Variants in ZFPL1 observed in about 807,000 individuals in gnomAD.
ZFPL1 encodes zinc finger protein-like 1.
ZFPL1 carries 28 observed loss-of-function variants against 32.0 expected under a neutral mutation model. The ratio of observed to expected loss-of-function variants is 0.87; its 90% CI spans 0.65 to 1.20. The LOEUF is 1.20. Among genes scored for constraint, ZFPL1 ranks in the 50% most tolerant of loss-of-function variants. The probability of loss-of-function intolerance (pLI) is 0.00; values close to 1 mark genes in which losing one functional copy is unlikely to be tolerated. For synonymous variants in ZFPL1, 165 were observed against 177.0 expected (o/e 0.93, Z 0.54); for missense variants, 386 against 424.8 (o/e 0.91, Z 0.80).
At position 65,084,644 on chromosome 11, in the gene ZFPL1, G is replaced by C. The variant is rs942910467; in HGVS notation, c.-8-47G>C. ...AAACTGGGCTGGTGAGAGCGTAGTGGTGGCCACCAGAACCTGACTTCCTAC... is the reference window on the plus strand; with the variant it reads ...AAACTGGGCTGGTGAGAGCGTAGTGCTGGCCACCAGAACCTGACTTCCTAC... On this transcript the variant is annotated intron_variant, in intron 1 of 7. Transcript: ENST00000294258. 40 of 1,542,126 alleles carry C rather than the reference G, an allele frequency of 2.6e-5. No homozygotes were observed. In the African/African-American group the frequency reaches 5.4e-4, roughly 21 times the overall value.
In ZFPL1 at chr11:65,087,314, A is replaced by G. The variant is rs1174531555; in HGVS notation, c.629-2A>G. Reference sequence around the variant, plus strand: ...ATTGATGCTAGTGGCTCCACCCTGTAGCCCCTAGGAAGGTGTATGATACGC... The same window carrying G: ...ATTGATGCTAGTGGCTCCACCCTGTGGCCCCTAGGAAGGTGTATGATACGC... On this transcript the variant is annotated splice_acceptor_variant, in intron 6 of 7. Coordinates refer to ENST00000294258, the MANE Select transcript of ZFPL1 (RefSeq NM_006782.4). LOFTEE classifies it high-confidence loss of function. 6.2e-7 allele frequency: 1 copy of G among 1,614,038 alleles called. No homozygotes were observed. Among genetic ancestry groups the G allele is most frequent in the South Asian group, 1.1e-5 (1 of 91,082 alleles).
rs748407449 is a variant in ZFPL1, at chr11:65,086,484, A to C, written c.284A>C (p.Tyr95Ser). 3.1e-6 allele frequency: 5 copies of C among 1,614,094 alleles called. No homozygotes were observed. The highest frequency in any genetic ancestry group is 4.2e-6 in the Non-Finnish European group (5 of 1,180,032). ...CCCCGAAACACGGCACCTGCCGGCT[A>C]TCAGTGCCCCAGCTGCAATGGCCCC... is the stretch of plus-strand genomic sequence containing the variant. ...QLPRNTAPAG[Y>S]QCPSCNGPIF... Residue 95 changes from tyrosine to serine, a missense_variant, in exon 4 of 8, where the codon TAT (tyrosine) becomes TCT (serine). Coordinates refer to ENST00000294258, the MANE Select transcript of ZFPL1 (RefSeq NM_006782.4).
Position 65,086,703 on chromosome 11 carries a change from C to G in ZFPL1, c.409-17C>G. On this transcript the variant is annotated splice_polypyrimidine_tract_variant and intron_variant, in intron 4 of 7. Coordinates refer to ENST00000294258, the MANE Select transcript of ZFPL1 (RefSeq NM_006782.4). ...GACAATACTAGGCAGCCTGGTGACC[C>G]AGATTCCTTCCTCCAGATCGATGAG... 1 of 1,614,228 alleles carries G rather than the reference C, an allele frequency of 6.2e-7. No homozygotes were observed. The highest frequency in any genetic ancestry group is 8.5e-7 in the Non-Finnish European group (1 of 1,180,040).
In ZFPL1 at chr11:65,086,456, C is replaced by A. The variant is rs753696428; in HGVS notation, c.256C>A (p.Leu86Ile). 1.9e-4 allele frequency: 305 copies of A among 1,613,990 alleles called. No individual in the cohort carries two copies. Among genetic ancestry groups the A allele is most frequent in the Non-Finnish European group, 2.5e-4 (294 of 1,180,042 alleles). ...WACLNERAAQ[L>I]PRNTAPAGYQ... ...CTGCCTCAATGAACGTGCTGCCCAG[C>A]TACCCCGAAACACGGCACCTGCCGG... The change falls in exon 4 of 8, where the codon CTA becomes ATA. Residue 86 changes from leucine (L) to isoleucine (I), a missense_variant. Transcript: ENST00000294258.
At chr11:65,084,405 A>AG in intron 1 of ZFPL1, 27 bp downstream of exon 1, 1 of 166,274 alleles carries the variant, frequency 6.0e-6, no homozygotes, top group Non-Finnish European at 1.0e-5. Flanking sequence ...CGGGACTTGG[A>AG]GGGGGTGGGG....
Position 65,086,851 on chromosome 11 carries a change from C to A in ZFPL1, c.481+59C>A, listed in dbSNP as rs1237820822. 6.8e-6 allele frequency: 11 copies of A among 1,613,596 alleles called. No homozygotes were observed. In the African/African-American group the frequency reaches 1.5e-4, roughly 22 times the overall value. ...TAGCCTCCCTGCTCTGCTGACAGCT[C>A]CCTTGGTCTGCAGTCACATGCTCTA... On this transcript the variant is annotated intron_variant, in intron 5 of 7. Transcript: ENST00000294258.
chr11:65,086,539 C>T lies in ZFPL1; in HGVS notation c.339C>T (p.Pro113=), dbSNP rs765134140. The T allele has an allele frequency of 1.7e-5, 28 of 1,614,020 alleles. No homozygotes were observed. Among genetic ancestry groups the T allele is most frequent in the South Asian group, 4.4e-5 (4 of 91,090 alleles). The change falls in exon 4 of 8, where the codon CCC becomes CCT. Residue 113 remains proline, a synonymous_variant. Transcript: ENST00000294258. ...PIFPPTNLAG[P]VASALREKLA... is the part of the protein sequence containing the mutation. ...TCCCCCCAACCAACCTGGCTGGCCC[C>T]GTGGCCTCCGCACTGAGAGAGAAGC...
intron 3 of ZFPL1, 29 bp from the exon 4 acceptor site, chr11:65,086,386 C>T (rs1947679371): frequency 1.2e-6 from 2 of 1,613,808 alleles, no homozygotes; most frequent in African/African-American, 1.3e-5. Context: ...TTCCTCATGT[C>T]TCTTCTCCCC....
At chr11:65,086,079 A>C in intron 3 of ZFPL1, 2 of 382,516 alleles carry the variant, frequency 5.2e-6, no homozygotes. Context: ...GTATCGAGGA[A>C]CCTTTTCTGA....
chr11:65,085,994 T>TA lies in ZFPL1; in HGVS notation c.215-421_215-420insA. On this transcript the variant is annotated intron_variant, in intron 3 of 7. Transcript: ENST00000294258. ...GTGTAGATATAGGGAATGCCACTTG[T>TA]GTTTGATTATGTGCTTATAAGGACA... 6 of 185,400 alleles carry TA rather than the reference T, an allele frequency of 3.2e-5. No homozygotes were observed. In the South Asian group the frequency reaches 3.6e-4, roughly 11 times the overall value. The allele number at this position is 185,400 out of a possible 1,614,324, so 11.5% of individuals were successfully genotyped here. A position where few individuals can be genotyped will look rare whatever the true frequency, so the allele number is the denominator to read the frequency against.
chr11:65,088,039 A>G lies in ZFPL1; in HGVS notation c.858A>G (p.Leu286=). The change falls in exon 8 of 8, where the codon CTA becomes CTG. Residue 286 remains leucine (L), a synonymous_variant. Coordinates refer to ENST00000294258, the MANE Select transcript of ZFPL1 (RefSeq NM_006782.4). ...CCCTCCTTGCCCTCATGTCTCGCCT[A>G]GGCCGGGCCGCAGCTGACAGCGATC... ...FLALLALMSR[L]GRAAADSDPN... is the part of the protein sequence containing the mutation. 6.2e-7 allele frequency: 1 copy of G among 1,610,652 alleles called. No individual in the cohort carries two copies. Among genetic ancestry groups the G allele is most frequent in the South Asian group, 1.1e-5 (1 of 90,906 alleles).
intron 7 of ZFPL1, chr11:65,087,707 C>T (rs1293611788): frequency 4.8e-6 from 3 of 625,260 alleles, no homozygotes; most frequent in Non-Finnish European, 8.3e-6. Context: ...TTGTAATTCT[C>T]CCCGACGTCT....
intron 7 of ZFPL1, 91 bp downstream of exon 7, chr11:65,087,524 G>A: frequency 7.8e-7 from 1 of 1,282,120 alleles, no homozygotes; most frequent in Non-Finnish European, 1.1e-6. Context: ...CATGACAAAA[G>A]GGGCTTGTTC....
Position 65,084,274 on chromosome 11 carries a change from C to G in ZFPL1, c.-113C>G, listed in dbSNP as rs962505868. The G allele has an allele frequency of 3.6e-6, 2 of 556,756 alleles. No homozygotes were observed. Among genetic ancestry groups the G allele is most frequent in the African/African-American group, 1.9e-5 (1 of 52,290 alleles). The allele number at this position is 556,756 out of a possible 1,614,324, so 34.5% of individuals were successfully genotyped here. A position where few individuals can be genotyped will look rare whatever the true frequency, so the allele number is the denominator to read the frequency against. On this transcript the variant is annotated 5_prime_UTR_variant, in exon 1 of 8. Transcript: ENST00000294258. ...GGGCGGCCGGGGCTGAAGGGAGAGG[C>G]GCAGGAGCCCTGGGGAGAGTGGTCC...
At position 65,085,154 on chromosome 11, in the gene ZFPL1, G is replaced by A. The variant is rs2137163066; in HGVS notation, c.142G>A (p.Asp48Asn). Residue 48 changes from aspartate (D) to asparagine (N), a missense_variant, in exon 3 of 8, where the codon GAC (aspartate) becomes AAC (asparagine). Coordinates refer to ENST00000294258, the MANE Select transcript of ZFPL1 (RefSeq NM_006782.4). The part of the protein sequence containing the change: ...QSYLQWLQDS[D>N]YNPNCRLCNI... ...CTACCTGCAATGGCTCCAAGATAGC[G>A]ACTACAACCCCAATTGCCGCCTGTG... is the stretch of plus-strand genomic sequence containing the variant. 1.2e-6 allele frequency: 2 copies of A among 1,614,104 alleles called. No homozygotes were observed. The highest frequency in any genetic ancestry group is 1.7e-6 in the Non-Finnish European group (2 of 1,180,014).
rs765980018 is a variant in ZFPL1 at position 65,087,302 on chromosome 11, G to A, written c.629-14G>A. ...TTTCCTGAGTCTATTGATGCTAGTGGCTCCACCCTGTAGCCCCTAGGAAGG... is the reference window on the plus strand; with the variant it reads ...TTTCCTGAGTCTATTGATGCTAGTGACTCCACCCTGTAGCCCCTAGGAAGG... On this transcript the variant is annotated splice_polypyrimidine_tract_variant and intron_variant, in intron 6 of 7. Transcript: ENST00000294258. 6.2e-7 allele frequency: 1 copy of A among 1,613,670 alleles called. No individual in the cohort carries two copies. The highest frequency in any genetic ancestry group is 8.5e-7 in the Non-Finnish European group (1 of 1,179,634).
At chr11:65,087,778 C>G in intron 7 of ZFPL1, 150 bp from the exon 8 acceptor site, 1 of 805,406 alleles carries the variant, frequency 1.2e-6, no homozygotes, top group African/African-American at 1.7e-5. Flanking sequence ...TGCACAATAA[C>G]GCCCTATGGT....
chr11:65,087,539 G>A, intron 7 of ZFPL1, 106 bp downstream of exon 7: 4 of 1,067,708 alleles, frequency 3.7e-6, no homozygotes, highest in Non-Finnish European at 5.7e-6. Flanking sequence ...TTGTTCTGGG[G>A]AGTAACAGTA....
At position 65,088,081 on chromosome 11, in the gene ZFPL1, C is replaced by G; in HGVS notation, c.900C>G (p.Leu300=). ...AADSDPNLDP[L]MNPHIRVGPS Reference sequence around the variant, plus strand: ...ACAGCGATCCCAACCTGGACCCACTCATGAACCCTCACATCCGCGTGGGCC... The same window carrying G: ...ACAGCGATCCCAACCTGGACCCACTGATGAACCCTCACATCCGCGTGGGCC... The change falls in exon 8 of 8, where the codon CTC becomes CTG. Residue 300 remains leucine (L), a synonymous_variant. Coordinates refer to ENST00000294258, the MANE Select transcript of ZFPL1 (RefSeq NM_006782.4). The G allele has an allele frequency of 6.2e-7, 1 of 1,611,614 alleles. No individual in the cohort carries two copies. The highest frequency in any genetic ancestry group is 8.5e-7 in the Non-Finnish European group (1 of 1,179,676).
Sources: allele counts gnomAD v4.1 joint callset, GRCh38; gene constraint gnomAD v4.1.1; transcripts MANE v1.5; gene names NCBI Gene and HGNC (gene_info 2026-07-23, HGNC 2026-07-21).